COL22A1: variants seen among roughly 807,000 people sequenced by gnomAD.
COL22A1 encodes the protein collagen type XXII alpha 1 chain.
In COL22A1, 221 loss-of-function variants were observed where a neutral mutation model predicts 248.9. The observed-to-expected ratio is 0.89, with a 90% CI of 0.80 to 0.99. The LOEUF (loss-of-function observed/expected upper bound fraction) is 0.99, where lower values mean the gene tolerates loss of function less well. Among genes scored for constraint, COL22A1 ranks in the 50% least tolerant of loss-of-function variants. The pLI, the probability that COL22A1 is intolerant of heterozygous loss-of-function variation, is 0.00. For missense variants in COL22A1, 2,240 were observed against 2,179.0 expected (o/e 1.03, Z -0.56); for synonymous variants, 891 against 793.4 (o/e 1.12, Z -2.07).
chr8:138,845,142 TTGAG>T (rs374630724), intron 3 of COL22A1, among the ~76,000 whole-genome samples: 36 of 152,120 alleles, frequency 2.4e-4, no homozygotes, highest in African/African-American at 8.2e-4. Flanking sequence ...ACAAAAGCAA[TTGAG>T]TAAGTCATAC....
intron 47 of COL22A1, among the ~76,000 whole-genome samples, chr8:138,643,222 T>G (rs1179468889): frequency 6.6e-6 from 1 of 152,178 alleles, no homozygotes; most frequent in Non-Finnish European, 1.5e-5. Context: ...TGCTACACTT[T>G]CCTGATACCT....
chr8:138,878,251 C>A lies in COL22A1; in HGVS notation c.157G>T (p.Asp53Tyr). Residue 53 changes from aspartate (D) to tyrosine (Y), a missense_variant, in exon 3 of 65, where the codon GAC becomes TAC. Physicochemically the swap from Asp to Tyr is radical, Grantham distance 160 (BLOSUM62 -3). Transcript: ENST00000303045. Reference sequence around the variant, plus strand: ...ACCCACTGCCGGACCTTCTCAAAGTCCTCCTTGCCCACGCTGGAGGAGGTG... The same window carrying A: ...ACCCACTGCCGGACCTTCTCAAAGTACTCCTTGCCCACGCTGGAGGAGGTG... ...LDTSSSVGKE[D>Y]FEKVRQWVAN... 6.3e-7 allele frequency: 1 copy of A among 1,588,636 alleles called. No individual in the cohort carries two copies. Among genetic ancestry groups the A allele is most frequent in the Non-Finnish European group, 8.6e-7 (1 of 1,167,158 alleles).
chr8:138,670,960 CA>C (rs60845059), intron 41 of COL22A1, among the ~76,000 whole-genome samples: 1,479 of 55,368 alleles, frequency 0.027, 43 homozygotes, highest in African/African-American at 0.086. Flanking sequence ...GACCTTGTCT[CA>C]AAAAAAAAAA....
intron 4 of COL22A1, among the ~76,000 whole-genome samples, chr8:138,843,876 G>A (rs148918375): frequency 2.3e-4 from 35 of 152,308 alleles, no homozygotes; most frequent in African/African-American, 8.2e-4. Context: ...CTGCCAAATG[G>A]AAAATGTGAA....
At chr8:138,826,550 A>T (rs1357538459) in intron 6 of COL22A1, 108 bp downstream of exon 6, 9 of 1,214,870 alleles carry the variant, frequency 7.4e-6, no homozygotes, top group Non-Finnish European at 1.1e-5. Flanking sequence ...CTATCTCTCT[A>T]GGCCCAGGGA....
intron 12 of COL22A1, among the ~76,000 whole-genome samples, chr8:138,795,752 A>T (rs1816458956): frequency 6.6e-6 from 1 of 152,206 alleles, no homozygotes. Flanking sequence ...TCACTTATAA[A>T]TTACACATGG....
At chr8:138,805,405 T>C (rs903890423) in intron 10 of COL22A1, among the ~76,000 whole-genome samples, 1 of 94,806 alleles carries the variant, frequency 1.1e-5, no homozygotes, top group African/African-American at 8.1e-5. Flanking sequence ...GTATGTGTGA[T>C]AGTGTGTAAA....
intron 21 of COL22A1, among the ~76,000 whole-genome samples, chr8:138,754,688 T>C (rs1050819950): frequency 5.3e-5 from 8 of 152,104 alleles, no homozygotes; most frequent in African/African-American, 9.7e-5. Context: ...TTACATATCA[T>C]TAAATTCTTA....
chr8:138,865,448 CTGTG>C (rs779001376), intron 3 of COL22A1, among the ~76,000 whole-genome samples: 37 of 147,006 alleles, frequency 2.5e-4, no homozygotes, highest in Non-Finnish European at 4.2e-4. Context: ...GTTTGTATGC[CTGTG>C]TGTGAGTGTA....
intron 4 of COL22A1, among the ~76,000 whole-genome samples, chr8:138,840,795 A>G (rs1820826451): frequency 6.6e-6 from 1 of 152,056 alleles, no homozygotes; most frequent in Non-Finnish European, 1.5e-5. Flanking sequence ...TATTTTTTGT[A>G]GAGATGGGGT....
intron 7 of COL22A1, among the ~76,000 whole-genome samples, 155 bp downstream of exon 7, chr8:138,820,981 G>T (rs979312181): frequency 1.3e-5 from 2 of 152,234 alleles, no homozygotes; most frequent in Non-Finnish European, 2.9e-5. Context: ...AAATATGGCA[G>T]TTTTCTGAGT....
At chr8:138,624,061 TA>T (rs1820053402) in intron 51 of COL22A1, among the ~76,000 whole-genome samples, 2 of 152,258 alleles carry the variant, frequency 1.3e-5, no homozygotes, top group Admixed American at 1.3e-4. Context: ...GCTATTGACC[TA>T]AAGAAGCCTC....
intron 58 of COL22A1, 25 bp downstream of exon 58, chr8:138,606,356 G>C: frequency 6.2e-7 from 1 of 1,602,530 alleles, no homozygotes; most frequent in Non-Finnish European, 8.5e-7. Context: ...AGGTATCTTG[G>C]GCCCCACTGG....
At chr8:138,632,203 T>C (rs1820782904) in intron 49 of COL22A1, among the ~76,000 whole-genome samples, 1 of 152,186 alleles carries the variant, frequency 6.6e-6, no homozygotes, top group African/African-American at 2.4e-5. Context: ...GGGTATTGGT[T>C]AAGAGTGCAG....
intron 45 of COL22A1, among the ~76,000 whole-genome samples, chr8:138,654,628 G>A (rs1465055910): frequency 6.6e-6 from 1 of 152,086 alleles, no homozygotes; most frequent in East Asian, 1.9e-4. Context: ...ACAGCAGAAG[G>A]GGCCTCCTCA....
chr8:138,605,454 C>G (rs1587653400), intron 58 of COL22A1, among the ~76,000 whole-genome samples: 1 of 152,126 alleles, frequency 6.6e-6, no homozygotes, highest in East Asian at 1.9e-4. Context: ...GAGAAGGAGA[C>G]TTGGCCTTTA....
chr8:138,660,923 CACAG>C (rs1350118939), intron 43 of COL22A1, among the ~76,000 whole-genome samples: 17 of 118,972 alleles, frequency 1.4e-4, no homozygotes, highest in South Asian at 8.9e-4. Flanking sequence ...CAGACACACA[CACAG>C]ACACACAGAC....
chr8:138,895,986 G>A (rs1825385851), intron 1 of COL22A1, among the ~76,000 whole-genome samples: 2 of 152,102 alleles, frequency 1.3e-5, no homozygotes, highest in South Asian at 4.1e-4. Context: ...GAAACCAGGG[G>A]GAAATGGCAC....
chr8:138,694,444 G>T, intron 34 of COL22A1, 64 bp downstream of exon 34: 3 of 1,514,370 alleles, frequency 2.0e-6, no homozygotes, highest in Non-Finnish European at 2.8e-6. Context: ...GTGGCCTGGA[G>T]CGAGAGAGTG....
Sources: gnomAD v4.1 joint callset for allele counts (sites outside exome capture counted in the v4.1 genomes callset) on GRCh38, gnomAD v4.1.1 for gene constraint, MANE v1.5 for transcripts, NCBI Gene and HGNC (gene_info 2026-07-23, HGNC 2026-07-21) for gene names.